Variants in UBE2O observed in about 807,000 individuals in gnomAD.
UBE2O encodes the protein (E3-independent) E2 ubiquitin-conjugating enzyme.
UBE2O carries 15 observed loss-of-function variants against 125.8 expected under a neutral mutation model. The observed-to-expected ratio is 0.12, with a 90% CI of 0.08 to 0.18. The LOEUF (loss-of-function observed/expected upper bound fraction) is 0.18. Ranked by LOEUF, UBE2O falls within the 10% of genes least tolerant of loss-of-function variation. The probability of loss-of-function intolerance (pLI) is 1.00; values close to 1 mark genes in which losing one functional copy is unlikely to be tolerated. For synonymous variants in UBE2O, 708 were observed against 703.2 expected (o/e 1.01, Z -0.11); for missense variants, 1,280 against 1,723.6 (o/e 0.74, Z 4.56).
chr17:76,406,531 A>T (rs1467789647), intron 1 of UBE2O, among the ~76,000 whole-genome samples: 2 of 151,856 alleles, frequency 1.3e-5, no homozygotes, highest in Non-Finnish European at 2.9e-5. Context: ...CGAAAAAGGA[A>T]GATACTGGCT....
intron 1 of UBE2O, among the ~76,000 whole-genome samples, chr17:76,434,877 C>T (rs1401905802): frequency 1.3e-5 from 2 of 151,730 alleles, no homozygotes; most frequent in Admixed American, 1.3e-4. Context: ...GTCCTTCCAC[C>T]TCCATCGGTG....
intron 1 of UBE2O, among the ~76,000 whole-genome samples, chr17:76,441,867 C>T (rs1434876434): frequency 6.6e-6 from 1 of 152,248 alleles, no homozygotes; most frequent in African/African-American, 2.4e-5. Context: ...CCTGGCATAG[C>T]CACTGCAACT....
chr17:76,446,705 C>A (rs1033677446), intron 1 of UBE2O, among the ~76,000 whole-genome samples: 4 of 152,216 alleles, frequency 2.6e-5, no homozygotes, highest in African/African-American at 9.6e-5. Context: ...CAAGTTGGAG[C>A]TCCTAATGGA....
chr17:76,432,865 CA>C (rs2072926431), intron 1 of UBE2O, among the ~76,000 whole-genome samples: 1 of 152,200 alleles, frequency 6.6e-6, no homozygotes, highest in Admixed American at 6.5e-5. Flanking sequence ...ACTAGGAATG[CA>C]TGCCAAATCA....
chr17:76,450,319 T>G (rs368949620), intron 1 of UBE2O, among the ~76,000 whole-genome samples: 1 of 152,062 alleles, frequency 6.6e-6, no homozygotes, highest in Non-Finnish European at 1.5e-5. Flanking sequence ...CAGGAGACAT[T>G]CAGCTAATCA....
At position 76,453,040 on chromosome 17, in the gene UBE2O, C is replaced by T. The variant is rs990391305; in HGVS notation, c.102G>A (p.Pro34=). 4.9e-6 allele frequency: 7 copies of T among 1,420,282 alleles called. No homozygotes were observed. Among genetic ancestry groups the T allele is most frequent in the Non-Finnish European group, 2.8e-6 (3 of 1,085,884 alleles). 88.0% of individuals were successfully genotyped at this position (1,420,282 alleles called of 1,614,324 possible). A position where few individuals can be genotyped will look rare whatever the true frequency, so the allele number is the denominator to read the frequency against. ...AVPAPAAAPV[P]APAPASDSAS... ...CCGAGTCCGAGGCGGGCGCCGGCGCCGGGACGGGGGCTGCGGCTGGGGCCG... is the reference window on the plus strand; with the variant it reads ...CCGAGTCCGAGGCGGGCGCCGGCGCTGGGACGGGGGCTGCGGCTGGGGCCG... Residue 34 remains proline, a synonymous_variant, in exon 1 of 18, where the codon CCG becomes CCA. Transcript: ENST00000319380.
intron 1 of UBE2O, among the ~76,000 whole-genome samples, chr17:76,435,888 C>T (rs907150055): frequency 6.6e-6 from 1 of 152,216 alleles, no homozygotes; most frequent in African/African-American, 2.4e-5. Context: ...AGTCAGCTGG[C>T]CAGAGTTCTA....
rs74766765 is a variant in UBE2O, at chr17:76,430,804, C to T, written c.417+21921G>A. Reference sequence around the variant, plus strand: ...TCTGACAAAGGCAAAGAAGCTGCAACATCTTTTGGCCCTTTGGGCTCACAC... The same window carrying T: ...TCTGACAAAGGCAAAGAAGCTGCAATATCTTTTGGCCCTTTGGGCTCACAC... On this transcript the variant is annotated intron_variant, in intron 1 of 17. Coordinates refer to ENST00000319380, the MANE Select transcript of UBE2O (RefSeq NM_022066.4). 4.5e-4 allele frequency: 134 copies of T among 297,588 alleles called. 1 individual carries two copies. In the East Asian group the frequency reaches 6.4e-3, roughly 14 times the overall value. The allele number at this position is 297,588 out of a possible 1,614,324, so 18.4% of individuals were successfully genotyped here.
Position 76,391,102 on chromosome 17 carries a change from G to A in UBE2O, c.3720C>T (p.Ser1240=). The change falls in exon 18 of 18, where the codon AGC becomes AGT. Residue 1240 remains serine, a synonymous_variant. Transcript: ENST00000319380. The surrounding 1 kb of genome is among the most constrained non-coding windows in gnomAD (Gnocchi z 8.4). ...PSVKPKKRRK[S]YRSFLPEKSG... ...TCTTCTCAGGTAAGAAGCTCCGGTA[G>A]CTCTTTCTCCGCTTCTTTGGTTTCA... 2 of 1,614,192 alleles carry A rather than the reference G, an allele frequency of 1.2e-6. No homozygotes were observed. Among genetic ancestry groups the A allele is most frequent in the Non-Finnish European group, 1.7e-6 (2 of 1,180,040 alleles).
At chr17:76,435,901 C>T (rs2072989414) in intron 1 of UBE2O, among the ~76,000 whole-genome samples, 1 of 152,214 alleles carries the variant, frequency 6.6e-6, no homozygotes, top group African/African-American at 2.4e-5. Context: ...GAGTTCTAGC[C>T]CTCTAGATGC....
intron 5 of UBE2O, among the ~76,000 whole-genome samples, chr17:76,401,373 T>C (rs2072321422): frequency 6.6e-6 from 1 of 152,182 alleles, no homozygotes; most frequent in Admixed American, 6.5e-5. Flanking sequence ...AGGTGATGCA[T>C]TCCATGCTCC....
In UBE2O at chr17:76,391,470, G is replaced by A. The variant is rs751745147; in HGVS notation, c.3352C>T (p.Arg1118Trp). Residue 1118 changes from arginine (R) to tryptophan (W), a missense_variant, in exon 18 of 18, where the codon CGG becomes TGG. This residue lies in a region of UBE2O where 233 missense variants were observed against 279.0 expected (regional missense o/e 0.84). Transcript: ENST00000319380. The surrounding 1 kb of genome is among the most constrained non-coding windows in gnomAD (Gnocchi z 8.4). ...TCCTGCTCAAAGACCTCGGGGGGCC[G>A]CCGCACCAGCTGGGTCATGGACTGC... is the stretch of plus-strand genomic sequence containing the variant. ...VVQSMTQLVR[R>W]PPEVFEQEIR... The A allele has an allele frequency of 1.2e-5, 19 of 1,613,768 alleles. No individual in the cohort carries two copies. The highest frequency in any genetic ancestry group is 1.1e-5 in the Non-Finnish European group (13 of 1,180,034).
Position 76,453,079 on chromosome 17 carries a change from G to T in UBE2O, c.63C>A (p.Ala21=). ...CGGCTGGGGCCGGGACTGCCTCCGG[G>T]GCTGGAGCCGGGGCCTGGGCTGGAG... ...APAPAQAPAP[A]PEAVPAPAAA... Residue 21 remains alanine (A), a synonymous_variant, in exon 1 of 18, where the codon GCC becomes GCA. Transcript: ENST00000319380. 8.5e-7 allele frequency: 1 copy of T among 1,177,980 alleles called. No homozygotes were observed. The highest frequency in any genetic ancestry group is 1.1e-6 in the Non-Finnish European group (1 of 898,552). The allele number at this position is 1,177,980 out of a possible 1,614,324, so 73.0% of individuals were successfully genotyped here.
At chr17:76,406,394 C>T (rs2072419222) in intron 1 of UBE2O, among the ~76,000 whole-genome samples, 1 of 152,148 alleles carries the variant, frequency 6.6e-6, no homozygotes, top group Non-Finnish European at 1.5e-5. Flanking sequence ...GTGTCCACCT[C>T]CGAGACCCCA....
intron 1 of UBE2O, among the ~76,000 whole-genome samples, chr17:76,415,967 ACGTATG>A (rs2072599783): frequency 6.6e-6 from 1 of 152,026 alleles, no homozygotes; most frequent in Non-Finnish European, 1.5e-5. Context: ...ACACGTATAT[ACGTATG>A]CGTATACATA....
chr17:76,441,786 C>G (rs1194889482), intron 1 of UBE2O, among the ~76,000 whole-genome samples: 1 of 152,230 alleles, frequency 6.6e-6, no homozygotes, highest in Non-Finnish European at 1.5e-5. Flanking sequence ...TCCCCCTCCC[C>G]CTCCACTGAT....
chr17:76,426,465 C>CTAAA (rs2072812226), intron 1 of UBE2O, among the ~76,000 whole-genome samples: 1 of 152,200 alleles, frequency 6.6e-6, no homozygotes, highest in African/African-American at 2.4e-5. Flanking sequence ...TTTCTACTAC[C>CTAAA]TTTAGGGCTT....
In UBE2O at chr17:76,395,702, C is replaced by G; in HGVS notation, c.2946+23G>C. On this transcript the variant is annotated intron_variant, in intron 15 of 17. Transcript: ENST00000319380. This position sits in a 1 kb window ranked among gnomAD's most constrained non-coding sequence, Gnocchi z 5.0. The stretch of plus-strand genomic sequence containing the variant: ...GGGTGCCCACACAGCACATCTGCAC[C>G]TGCCCATGCCAAGCCTACTTGCCAT... The G allele has an allele frequency of 6.2e-7, 1 of 1,609,412 alleles. No homozygotes were observed. Among genetic ancestry groups the G allele is most frequent in the Non-Finnish European group, 8.5e-7 (1 of 1,177,918 alleles).
At chr17:76,412,585 G>A (rs1327498895) in intron 1 of UBE2O, among the ~76,000 whole-genome samples, 1 of 152,166 alleles carries the variant, frequency 6.6e-6, no homozygotes, top group Non-Finnish European at 1.5e-5. Context: ...CTGGCTCTTT[G>A]GTTGTCCCTG....
Sources: allele counts gnomAD v4.1 joint callset (sites outside exome capture counted in the v4.1 genomes callset), GRCh38; gene constraint gnomAD v4.1.1; regional missense constraint gnomAD v4.1.1; non-coding constraint Gnocchi (gnomAD v3.1); transcripts MANE v1.5; gene names NCBI Gene and HGNC (gene_info 2026-07-23, HGNC 2026-07-21).